The following RB1 variants were observed in gnomAD, a reference collection of about 807,000 sequenced individuals.
The protein encoded by RB1 is retinoblastoma-associated protein.
A neutral mutation model predicts 135.4 loss-of-function variants in RB1; 18 were observed. The ratio of observed to expected loss-of-function variants is 0.13; its 90% CI spans 0.09 to 0.20. RB1 has a LOEUF of 0.20. Ranked by LOEUF, RB1 falls within the 10% of genes least tolerant of loss-of-function variation. The probability of loss-of-function intolerance (pLI) is 1.00; values close to 1 mark genes in which losing one functional copy is unlikely to be tolerated. For missense variants in RB1, 868 were observed against 1,110.0 expected (o/e 0.78, Z 3.10); for synonymous variants, 365 against 373.2 (o/e 0.98, Z 0.25).
chr13:48,404,474 G>C (rs1052549008), intron 17 of RB1, among the ~76,000 whole-genome samples: 56 of 151,666 alleles, frequency 3.7e-4, no homozygotes, highest in Admixed American at 6.6e-5. Context: ...ATGAAAACCA[G>C]GGGGCTTCAG....
intron 20 of RB1, among the ~76,000 whole-genome samples, chr13:48,462,325 G>A (rs989088453): frequency 6.7e-6 from 1 of 148,676 alleles, no homozygotes; most frequent in South Asian, 2.1e-4. Context: ...GGGTTTTGCC[G>A]TGTTGCTCAG....
chr13:48,310,529 TTAAA>T (rs1362725167), intron 2 of RB1, among the ~76,000 whole-genome samples: 1 of 152,178 alleles, frequency 6.6e-6, no homozygotes, highest in African/African-American at 2.4e-5. Flanking sequence ...TATGTGCAGA[TTAAA>T]TAAATTAATG....
At chr13:48,411,675 A>G (rs769846725) in intron 17 of RB1, 9 of 1,610,228 alleles carry the variant, frequency 5.6e-6, no homozygotes, top group Non-Finnish European at 7.6e-6. Flanking sequence ...AGAATATAAA[A>G]TAAGATTGAT....
intron 7 of RB1, 101 bp from the exon 8 acceptor site, chr13:48,362,714 A>C: frequency 8.0e-7 from 1 of 1,247,398 alleles, no homozygotes; most frequent in Non-Finnish European, 1.2e-6. Flanking sequence ...AAGTAGTAGA[A>C]TGTTACCAAG....
chr13:48,359,108 C>T (rs1403127690), intron 6 of RB1, among the ~76,000 whole-genome samples: 1 of 151,984 alleles, frequency 6.6e-6, no homozygotes, highest in Admixed American at 6.6e-5. Context: ...AATTGAACTT[C>T]TCTTTTAAAA....
chr13:48,310,939 A>G (rs1952124796), intron 2 of RB1, among the ~76,000 whole-genome samples: 1 of 152,184 alleles, frequency 6.6e-6, no homozygotes, highest in Non-Finnish European at 1.5e-5. Context: ...TAGCATATGA[A>G]TAGGACTTTC....
chr13:48,322,315 A>C (rs912361728), intron 2 of RB1, among the ~76,000 whole-genome samples: 1 of 152,160 alleles, frequency 6.6e-6, no homozygotes, highest in Non-Finnish European at 1.5e-5. Context: ...TGACAGACAC[A>C]TAGGTTGTTT....
chr13:48,460,044 A>G (rs1949395332), intron 20 of RB1, among the ~76,000 whole-genome samples: 1 of 148,308 alleles, frequency 6.7e-6, no homozygotes, highest in African/African-American at 2.5e-5. Context: ...ATCTCGGCTC[A>G]CTGCAACCTC....
At chr13:48,354,967 T>A (rs1024073308) in intron 6 of RB1, among the ~76,000 whole-genome samples, 1 of 152,030 alleles carries the variant, frequency 6.6e-6, no homozygotes, top group Admixed American at 6.6e-5. Flanking sequence ...GAAACTGCTA[T>A]AAGAAAACAT....
intron 12 of RB1, among the ~76,000 whole-genome samples, chr13:48,376,034 T>C (rs1014909546): frequency 1.3e-5 from 2 of 151,880 alleles, no homozygotes; most frequent in African/African-American, 4.8e-5. Flanking sequence ...TATTATATAA[T>C]ATGCATTTTA....
intron 2 of RB1, among the ~76,000 whole-genome samples, chr13:48,313,527 T>G (rs577171406): frequency 2.3e-5 from 3 of 130,240 alleles, no homozygotes; most frequent in Admixed American, 7.3e-5. Context: ...TTTTTTTTTG[T>G]TTTTTTTTTT....
intron 17 of RB1, chr13:48,426,859 G>A (rs547423345): frequency 6.6e-6 from 1 of 152,206 alleles, no homozygotes; most frequent in Non-Finnish European, 1.5e-5. Flanking sequence ...GTTGGCTCAC[G>A]GTTCTTCAGG....
At chr13:48,357,496 A>G (rs1010926054) in intron 6 of RB1, among the ~76,000 whole-genome samples, 4 of 152,068 alleles carry the variant, frequency 2.6e-5, no homozygotes, top group Admixed American at 6.6e-5. Context: ...AATAATATGT[A>G]TTTGGATCAC....
chr13:48,343,408 A>G lies in RB1; in HGVS notation c.380+694A>G, dbSNP rs146002935. Among the ~76,000 whole-genome samples, 991 of 152,316 alleles carry G rather than the reference A, an allele frequency of 6.5e-3. 15 individuals carry two copies. The highest frequency in any genetic ancestry group is 0.023 in the African/African-American group (944 of 41,570). The stretch of plus-strand genomic sequence containing the variant: ...AGACATCTAGAATTAAACATAATTG[A>G]TATTTTATTTAAACGAGATAGATTA... On this transcript the variant is annotated intron_variant, in intron 3 of 26. Transcript: ENST00000267163.
chr13:48,317,800 A>C, intron 2 of RB1: 3 of 350,724 alleles, frequency 8.6e-6, no homozygotes, highest in Non-Finnish European at 1.6e-5. Context: ...CGGCTGTGGG[A>C]CCCCCCTGGC....
chr13:48,322,453 G>A (rs995200335), intron 2 of RB1, among the ~76,000 whole-genome samples: 31 of 152,184 alleles, frequency 2.0e-4, no homozygotes, highest in Non-Finnish European at 4.1e-4. Context: ...TTTTCTAGAT[G>A]TAAAATAATG....
At chr13:48,317,994 T>C in intron 2 of RB1, 2 of 485,986 alleles carry the variant, frequency 4.1e-6, no homozygotes, top group Non-Finnish European at 7.8e-6. Flanking sequence ...CTCTCGTCAC[T>C]GTCCACTGAA....
At chr13:48,357,425 C>T (rs1952602625) in intron 6 of RB1, among the ~76,000 whole-genome samples, 1 of 151,700 alleles carries the variant, frequency 6.6e-6, no homozygotes, top group Non-Finnish European at 1.5e-5. Flanking sequence ...ATAATTTGTT[C>T]ATTAATTTCC....
At chr13:48,384,673 A>G (rs112721284) in intron 17 of RB1, among the ~76,000 whole-genome samples, 1,765 of 152,178 alleles carry the variant, frequency 0.012, 36 homozygotes, top group Non-Finnish European at 0.012. Flanking sequence ...GAAATTTCAA[A>G]TGAGGTGCTG....
Sources: gnomAD v4.1 joint callset for allele counts (sites outside exome capture counted in the v4.1 genomes callset) on GRCh38, gnomAD v4.1.1 for gene constraint, MANE v1.5 for transcripts, NCBI Gene and HGNC (gene_info 2026-07-23, HGNC 2026-07-21) for gene names.